DLGAP2: variants seen among roughly 807,000 people sequenced by gnomAD.
DLGAP2 encodes disks large-associated protein 2.
Under a neutral mutation model 100.3 loss-of-function variants are expected in DLGAP2, and 26 were observed. That is an observed-to-expected ratio of 0.26 (90% CI 0.19 to 0.36). The LOEUF (loss-of-function observed/expected upper bound fraction) is 0.36. Among genes scored for constraint, DLGAP2 ranks in the 10% least tolerant of loss-of-function variants. The pLI is 1.00. For synonymous variants in DLGAP2, 886 were observed against 630.1 expected, an observed-to-expected ratio of 1.41 and a Z score of -6.08; for missense variants, 1,858 against 1,453.2, an observed-to-expected ratio of 1.28 and a Z score of -4.53.
intron 2 of DLGAP2, among the ~76,000 whole-genome samples, chr8:920,091 A>T (rs76222223): frequency 0.11 from 16,161 of 152,212 alleles, 1,317 homozygotes; most frequent in Admixed American, 0.25. Flanking sequence ...AGAGAGGTCC[A>T]GGGAAACCAG....
chr8:1,501,675 C>T (rs942679463), intron 4 of DLGAP2, among the ~76,000 whole-genome samples: 3 of 152,236 alleles, frequency 2.0e-5, no homozygotes, highest in Non-Finnish European at 2.9e-5. Context: ...TTCACATAAA[C>T]GATGCATGTC....
intron 3 of DLGAP2, among the ~76,000 whole-genome samples, chr8:1,350,233 CGT>C: frequency 1.0e-5 from 1 of 96,744 alleles, no homozygotes; most frequent in Non-Finnish European, 2.1e-5. Context: ...CCTGAGTGTG[CGT>C]GGAAAGGCCG....
rs1799597114 is a variant in DLGAP2, at chr8:1,702,343, T to C, written c.*937T>C. ...TATATTCTCAAATTGCTCTATCAGCTGACTTTTCAGGGTATCCTTAAAAAA... is the reference window on the plus strand; with the variant it reads ...TATATTCTCAAATTGCTCTATCAGCCGACTTTTCAGGGTATCCTTAAAAAA... On this transcript the variant is annotated 3_prime_UTR_variant, in exon 15 of 15. Transcript: ENST00000637795. 2.0e-5 allele frequency: 3 copies of C among 148,714 alleles called. No homozygotes were observed. In the Admixed American group the frequency reaches 2.1e-4, roughly 10 times the overall value. 9.2% of individuals were successfully genotyped at this position (148,714 alleles called of 1,614,324 possible). A position where few individuals can be genotyped will look rare whatever the true frequency, so the allele number is the denominator to read the frequency against.
intron 2 of DLGAP2, among the ~76,000 whole-genome samples, chr8:1,258,377 T>C (rs1028545455): frequency 2.6e-5 from 4 of 151,244 alleles, no homozygotes; most frequent in African/African-American, 9.7e-5. Context: ...TAAGTGGGAG[T>C]TGAACAATGA....
At chr8:1,269,990 G>C (rs531937430) in intron 3 of DLGAP2, among the ~76,000 whole-genome samples, 8 of 152,266 alleles carry the variant, frequency 5.3e-5, no homozygotes, top group African/African-American at 1.4e-4. Flanking sequence ...CTTGAAACCG[G>C]TATTTTCCTG....
chr8:1,573,799 G>A (rs117822693), intron 6 of DLGAP2, among the ~76,000 whole-genome samples: 3,852 of 152,224 alleles, frequency 0.025, 59 homozygotes, highest in Middle Eastern at 0.037. Context: ...CTTCAGGCAG[G>A]GCTGAGCAGG....
chr8:1,174,175 G>T (rs181548531), intron 2 of DLGAP2, among the ~76,000 whole-genome samples: 202 of 152,136 alleles, frequency 1.3e-3, no homozygotes, highest in African/African-American at 4.6e-3. Context: ...TAGGAATTAG[G>T]TACATTTTCC....
At chr8:794,987 G>A (rs1795994232) in intron 1 of DLGAP2, among the ~76,000 whole-genome samples, 2 of 152,194 alleles carry the variant, frequency 1.3e-5, no homozygotes, top group South Asian at 2.1e-4. Flanking sequence ...ACCTGATAGG[G>A]ACTTCCCTGT....
At chr8:1,535,327 C>T (rs17748713) in intron 4 of DLGAP2, among the ~76,000 whole-genome samples, 6,039 of 152,324 alleles carry the variant, frequency 0.04, 193 homozygotes, top group South Asian at 0.13. Flanking sequence ...CCCTCAGTGT[C>T]TGGATTTCAC....
At position 1,680,007 on chromosome 8, in the gene DLGAP2, C is replaced by T. The variant is rs116643579; in HGVS notation, c.2704+1378C>T. On this transcript the variant is annotated intron_variant, in intron 12 of 14. Transcript: ENST00000637795. ...AAAAAAAAAAAAAAAAAAAAAAGAG[C>T]TCAGAAGCAGCACCCATTATAAATT... Among the ~76,000 whole-genome samples the T allele has an allele frequency of 9.4e-3, 1,222 of 130,264 alleles. 23 individuals carry two copies. The highest frequency in any genetic ancestry group is 0.034 in the African/African-American group (1,174 of 35,020). 85.5% of individuals were successfully genotyped at this position (130,264 alleles called of 152,430 possible).
intron 2 of DLGAP2, among the ~76,000 whole-genome samples, chr8:947,840 C>T (rs1799367442): frequency 6.6e-6 from 1 of 150,568 alleles, no homozygotes; most frequent in African/African-American, 2.4e-5. Context: ...GCTCCCGACC[C>T]CGTGCCAGCC....
intron 6 of DLGAP2, among the ~76,000 whole-genome samples, chr8:1,575,720 T>C (rs574381275): frequency 1.9e-4 from 29 of 148,824 alleles, no homozygotes; most frequent in African/African-American, 6.4e-4. Flanking sequence ...CATGTGGTGT[T>C]TGGTTTTTTG....
chr8:1,376,435 T>G (rs1354879751), intron 3 of DLGAP2, among the ~76,000 whole-genome samples: 2 of 152,234 alleles, frequency 1.3e-5, no homozygotes, highest in East Asian at 3.8e-4. Context: ...GCCCACCTGC[T>G]GGTGGCAGTG....
chr8:1,384,324 A>G (rs1342321491), intron 3 of DLGAP2, among the ~76,000 whole-genome samples: 1 of 148,534 alleles, frequency 6.7e-6, no homozygotes, highest in African/African-American at 2.5e-5. Flanking sequence ...CTTGGTGCAC[A>G]GTTACCCCGG....
chr8:1,032,882 A>G (rs994143364), intron 2 of DLGAP2: 1 of 152,204 alleles, frequency 6.6e-6, no homozygotes, highest in Non-Finnish European at 1.5e-5. Flanking sequence ...ACGGTGTTGT[A>G]TTTTAAAATG....
chr8:853,188 G>A (rs905172971), intron 1 of DLGAP2, among the ~76,000 whole-genome samples: 2 of 152,220 alleles, frequency 1.3e-5, no homozygotes, highest in Non-Finnish European at 2.9e-5. Flanking sequence ...ACAGCTGCAG[G>A]ACAGCTGTGA....
intron 6 of DLGAP2, among the ~76,000 whole-genome samples, chr8:1,582,193 ACC>A (rs1219859574): frequency 6.6e-5 from 10 of 151,008 alleles, no homozygotes; most frequent in African/African-American, 2.4e-4. Context: ...ATACAGACAA[ACC>A]CCCACACACA....
intron 4 of DLGAP2, among the ~76,000 whole-genome samples, chr8:1,528,225 C>G (rs930947901): frequency 2.0e-5 from 3 of 152,176 alleles, no homozygotes; most frequent in Non-Finnish European, 4.4e-5. Flanking sequence ...TCTAGCTTTC[C>G]TCCTCAGGCC....
At chr8:1,313,885 A>C (rs1800668557) in intron 3 of DLGAP2, among the ~76,000 whole-genome samples, 1 of 152,140 alleles carries the variant, frequency 6.6e-6, no homozygotes, top group African/African-American at 2.4e-5. Flanking sequence ...CTAAGGGTTC[A>C]AATCCACCTG....
Sources: gnomAD v4.1 joint callset for allele counts (sites outside exome capture counted in the v4.1 genomes callset) on GRCh38, gnomAD v4.1.1 for gene constraint, MANE v1.5 for transcripts, NCBI Gene and HGNC (gene_info 2026-07-23, HGNC 2026-07-21) for gene names.